Variants in LRRFIP1 observed in about 807,000 individuals in gnomAD.
LRRFIP1 encodes the protein LRR binding FLII interacting protein 1.
LRRFIP1 carries 62 observed loss-of-function variants against 104.4 expected under a neutral mutation model. That is an observed-to-expected ratio of 0.59 (90% CI 0.48 to 0.73). The LOEUF is 0.73. Among genes scored for constraint, LRRFIP1 ranks in the 30% least tolerant of loss-of-function variants. LRRFIP1 has a pLI of 0.00. For synonymous variants in LRRFIP1, 300 were observed against 299.0 expected, an observed-to-expected ratio of 1.00 and a Z score of -0.03; for missense variants, 796 against 824.5, an observed-to-expected ratio of 0.97 and a Z score of 0.42.
At chr2:237,695,506 C>G (rs540311568) in intron 1 of LRRFIP1, among the ~76,000 whole-genome samples, 3 of 152,178 alleles carry the variant, frequency 2.0e-5, no homozygotes, top group African/African-American at 7.2e-5. Flanking sequence ...TTCTTATCCC[C>G]GAAAAATCAG....
chr2:237,694,394 T>C (rs1349326997), intron 1 of LRRFIP1, among the ~76,000 whole-genome samples: 1 of 151,226 alleles, frequency 6.6e-6, no homozygotes, highest in East Asian at 1.9e-4. Context: ...AAAAGCAAAA[T>C]GCAGTTCCTG....
rs2061361413 is a variant in LRRFIP1 at position 237,779,401 on chromosome 2, C to T, written c.1813-21C>T. 1.4e-5 allele frequency: 23 copies of T among 1,610,848 alleles called. No individual in the cohort carries two copies. The East Asian group carries it at 5.1e-4, about 36-fold the overall frequency. On this transcript the variant is annotated intron_variant, in intron 23 of 23. Transcript: ENST00000308482. ...GAGGAAACAAGTTCCTTAAAGCTCACTGCCTTTCCTCCGTTCCCAGCTCCG... is the reference window on the plus strand; with the variant it reads ...GAGGAAACAAGTTCCTTAAAGCTCATTGCCTTTCCTCCGTTCCCAGCTCCG...
At chr2:237,752,539 C>T (rs754113242) in intron 14 of LRRFIP1, among the ~76,000 whole-genome samples, 1 of 152,266 alleles carries the variant, frequency 6.6e-6, no homozygotes, top group African/African-American at 2.4e-5. Flanking sequence ...GTAGCCTCTG[C>T]TGCACCTGAA....
chr2:237,688,128 G>A (rs900425274), intron 1 of LRRFIP1, among the ~76,000 whole-genome samples: 2 of 152,248 alleles, frequency 1.3e-5, no homozygotes, highest in African/African-American at 4.8e-5. Context: ...AGAGGGCACA[G>A]AGGAAGACAA....
intron 19 of LRRFIP1, 67 bp downstream of exon 19, chr2:237,760,272 T>G: frequency 6.5e-7 from 1 of 1,547,988 alleles, no homozygotes; most frequent in Non-Finnish European, 8.8e-7. Flanking sequence ...CTCCATGCAC[T>G]GCTGGGGTTG....
chr2:237,751,196 C>G lies in LRRFIP1; in HGVS notation c.796-4C>G, dbSNP rs2058586964. On this transcript the variant is annotated splice_polypyrimidine_tract_variant and splice_region_variant and intron_variant, in intron 13 of 23. Transcript: ENST00000308482. ...TCATCTGCCTTTTTTGCCATTTCCC[C>G]CAGGAACTCAATGAGTTAAAGGACC... The G allele has an allele frequency of 6.2e-7, 1 of 1,604,672 alleles. No individual in the cohort carries two copies. Among genetic ancestry groups the G allele is most frequent in the South Asian group, 1.1e-5 (1 of 88,146 alleles).
intron 1 of LRRFIP1, among the ~76,000 whole-genome samples, chr2:237,698,571 T>C (rs1334289855): frequency 3.3e-5 from 5 of 152,274 alleles, no homozygotes; most frequent in Non-Finnish European, 7.3e-5. Context: ...AGGAGCAGCC[T>C]TGTAAGCTAA....
rs946427000 is a variant in LRRFIP1, at chr2:237,771,094, G to C, written c.1510-987G>C. 2.0e-5 allele frequency among the ~76,000 whole-genome samples: 3 copies of C among 152,058 alleles called. No homozygotes were observed. The East Asian group carries it at 5.8e-4, about 29-fold the overall frequency. ...GTTAATCAGGGGTCTCCTGTGCTTG[G>C]TGTGTGGGGTAGGAAGGCAGGTGAT... On this transcript the variant is annotated intron_variant, in intron 20 of 23. Transcript: ENST00000308482.
chr2:237,781,057 C>T lies in LRRFIP1; in HGVS notation c.*1525C>T, dbSNP rs1306816070. 6.6e-6 allele frequency among the ~76,000 whole-genome samples: 1 copy of T among 152,220 alleles called. No homozygotes were observed. Among genetic ancestry groups the T allele is most frequent in the Admixed American group, 6.5e-5 (1 of 15,286 alleles). Reference sequence around the variant, plus strand: ...GTATGAACAGGAAAGAGGAAGGAAGCTGGACGAAGCCCCTCAGGGACCCTG... The same window carrying T: ...GTATGAACAGGAAAGAGGAAGGAAGTTGGACGAAGCCCCTCAGGGACCCTG... On this transcript the variant is annotated 3_prime_UTR_variant, in exon 24 of 24. Transcript: ENST00000308482.
intron 19 of LRRFIP1, 35 bp downstream of exon 19, chr2:237,760,240 TTC>T: frequency 6.2e-7 from 1 of 1,610,704 alleles, no homozygotes; most frequent in Non-Finnish European, 8.5e-7. Flanking sequence ...CCTCACACCT[TTC>T]CACTCAGCAT....
intron 19 of LRRFIP1, among the ~76,000 whole-genome samples, chr2:237,760,625 G>A (rs1312379370): frequency 6.6e-6 from 1 of 152,222 alleles, no homozygotes; most frequent in Non-Finnish European, 1.5e-5. Flanking sequence ...AGGCCGTCAA[G>A]TCAGTTGGCC....
intron 1 of LRRFIP1, among the ~76,000 whole-genome samples, chr2:237,700,970 T>C (rs182123090): frequency 6.6e-6 from 1 of 152,268 alleles, no homozygotes; most frequent in Non-Finnish European, 1.5e-5. Flanking sequence ...TCTGGACCCC[T>C]AGGGTATCAC....
At chr2:237,634,049 A>T (rs980432806) in intron 1 of LRRFIP1, among the ~76,000 whole-genome samples, 1 of 152,178 alleles carries the variant, frequency 6.6e-6, no homozygotes, top group Non-Finnish European at 1.5e-5. Flanking sequence ...GTTTTTACCC[A>T]TATTCTCAGG....
intron 1 of LRRFIP1, among the ~76,000 whole-genome samples, chr2:237,683,785 C>T (rs2092086594): frequency 6.6e-6 from 1 of 152,168 alleles, no homozygotes; most frequent in Middle Eastern, 3.2e-3. Flanking sequence ...GGATGCTCAC[C>T]GTTCCTGATG....
Position 237,753,392 on chromosome 2 carries a change from G to A in LRRFIP1, c.951G>A (p.Met317Ile). 1 of 1,606,204 alleles carries A rather than the reference G, an allele frequency of 6.2e-7. No individual in the cohort carries two copies. Among genetic ancestry groups the A allele is most frequent in the South Asian group, 1.1e-5 (1 of 88,906 alleles). ...AQLDNEKTNF[M>I]YQVDTLKDML... ...TAGACAATGAAAAGACAAACTTCAT[G>A]TACCAGGTTGATACCCTAAAAGATA... is the stretch of plus-strand genomic sequence containing the variant. Residue 317 changes from methionine to isoleucine, a missense_variant, in exon 15 of 24, where the codon ATG becomes ATA. Coordinates refer to ENST00000308482, the MANE Select transcript of LRRFIP1 (RefSeq NM_001137550.2).
intron 12 of LRRFIP1, 136 bp from the exon 13 acceptor site, chr2:237,749,063 G>C (rs1004456378): frequency 1.2e-6 from 1 of 816,686 alleles, no homozygotes; most frequent in African/African-American, 1.7e-5. Flanking sequence ...GGGGGAAACT[G>C]CCCCCGTGAT....
At chr2:237,772,645 G>C in intron 21 of LRRFIP1, 1 of 583,390 alleles carries the variant, frequency 1.7e-6, no homozygotes, top group Admixed American at 3.2e-5. Flanking sequence ...TCTTGCCTGA[G>C]GTTTCCTGCC....
intron 1 of LRRFIP1, among the ~76,000 whole-genome samples, chr2:237,660,364 G>A (rs989759435): frequency 3.3e-5 from 5 of 152,150 alleles, no homozygotes; most frequent in Admixed American, 1.3e-4. Context: ...AACTCACTGC[G>A]TAGTGTAGAT....
At chr2:237,763,154 G>A (rs1281886902) in intron 19 of LRRFIP1, 1 of 1,614,094 alleles carries the variant, frequency 6.2e-7, no homozygotes, top group Non-Finnish European at 8.5e-7. Flanking sequence ...CAACCAGGAA[G>A]CAGCTGAGCC....
Sources: allele counts gnomAD v4.1 joint callset (sites outside exome capture counted in the v4.1 genomes callset), GRCh38; gene constraint gnomAD v4.1.1; transcripts MANE v1.5; gene names NCBI Gene and HGNC (gene_info 2026-07-23, HGNC 2026-07-21).